Variants in POT1 observed in about 807,000 individuals in gnomAD.
The protein encoded by POT1 is protection of telomeres protein 1.
POT1 carries 47 observed loss-of-function variants against 78.5 expected under a neutral mutation model. The ratio of observed to expected loss-of-function variants is 0.60; its 90% CI spans 0.47 to 0.76. The LOEUF (loss-of-function observed/expected upper bound fraction) is 0.76. Ranked by LOEUF, POT1 falls within the 30% of genes least tolerant of loss-of-function variation. POT1 has a pLI of 0.00. For synonymous variants in POT1, 259 were observed against 260.7 expected (o/e 0.99, Z 0.06); for missense variants, 646 against 749.9 (o/e 0.86, Z 1.62).
chr7:124,866,996 C>G (rs1474249899), intron 7 of POT1, among the ~76,000 whole-genome samples: 2 of 152,110 alleles, frequency 1.3e-5, no homozygotes, highest in Non-Finnish European at 2.9e-5. Context: ...GTTCTGTGGT[C>G]ATCATTTTTA....
intron 7 of POT1, among the ~76,000 whole-genome samples, chr7:124,867,191 C>G (rs755541042): frequency 3.9e-5 from 6 of 152,148 alleles, no homozygotes; most frequent in African/African-American, 7.2e-5. Flanking sequence ...TTTCCACCAC[C>G]ACTGTAGTCT....
chr7:124,863,676 A>G lies in POT1; in HGVS notation c.256-36T>C, dbSNP rs752969964. 8 of 1,484,436 alleles carry G rather than the reference A, an allele frequency of 5.4e-6. No homozygotes were observed. The highest frequency in any genetic ancestry group is 1.4e-5 in the African/African-American group (1 of 71,186). 92.0% of individuals were successfully genotyped at this position (1,484,436 alleles called of 1,614,324 possible). The stretch of plus-strand genomic sequence containing the variant: ...AGGGCAAAGTAGAAAACAGATACAA[A>G]TAAAATAGCTTACTGATGCACAACC... On this transcript the variant is annotated intron_variant, in intron 7 of 18. Transcript: ENST00000357628.
At chr7:124,863,682 T>C (rs1477617673) in intron 7 of POT1, 42 bp from the exon 8 acceptor site, 4 of 1,454,156 alleles carry the variant, frequency 2.8e-6, no homozygotes, top group East Asian at 2.3e-5. Flanking sequence ...ACAAATAAAA[T>C]AGCTTACTGA....
chr7:124,833,792 A>G (rs568544248), intron 15 of POT1, among the ~76,000 whole-genome samples: 167 of 152,354 alleles, frequency 1.1e-3, no homozygotes, highest in African/African-American at 3.8e-3. Flanking sequence ...CTCTCACTAT[A>G]TATGCTTATC....
intron 14 of POT1, among the ~76,000 whole-genome samples, chr7:124,840,177 A>T (rs1794992525): frequency 6.6e-6 from 1 of 152,034 alleles, no homozygotes; most frequent in South Asian, 2.1e-4. Flanking sequence ...CAAAGTCTAT[A>T]ATTTACATAG....
intron 6 of POT1, among the ~76,000 whole-genome samples, chr7:124,880,950 T>G (rs1476857959): frequency 6.6e-6 from 1 of 152,018 alleles, no homozygotes; most frequent in Non-Finnish European, 1.5e-5. Context: ...ATCTACTTGC[T>G]ACAATGCAAG....
chr7:124,842,667 AC>A (rs891301490), intron 13 of POT1, 139 bp downstream of exon 13: 1 of 554,866 alleles, frequency 1.8e-6, no homozygotes, highest in African/African-American at 2.0e-5. Context: ...TTAGCACTTT[AC>A]CTAAAAAATT....
At chr7:124,858,876 C>A in intron 9 of POT1, 81 bp downstream of exon 9, 2 of 999,880 alleles carry the variant, frequency 2.0e-6, no homozygotes, top group Non-Finnish European at 2.9e-6. Flanking sequence ...TACATGTAAC[C>A]ATATATAAAA....
intron 13 of POT1, among the ~76,000 whole-genome samples, chr7:124,841,506 AT>A (rs1302431308): frequency 2.0e-5 from 3 of 151,902 alleles, no homozygotes; most frequent in Admixed American, 1.3e-4. Context: ...AGAATGCTAA[AT>A]TTCCCAGTAG....
intron 3 of POT1, among the ~76,000 whole-genome samples, chr7:124,906,627 T>G (rs1355206194): frequency 6.6e-6 from 1 of 152,076 alleles, no homozygotes; most frequent in Non-Finnish European, 1.5e-5. Context: ...ACCCTAGAAC[T>G]TAAAAGTATA....
chr7:124,865,612 G>A (rs2116549020), intron 7 of POT1, among the ~76,000 whole-genome samples: 1 of 151,644 alleles, frequency 6.6e-6, no homozygotes, highest in Non-Finnish European at 1.5e-5. Context: ...CCACTTCTCT[G>A]ATGAAATTTC....
intron 6 of POT1, among the ~76,000 whole-genome samples, chr7:124,883,860 C>T (rs939726209): frequency 1.3e-5 from 2 of 151,084 alleles, no homozygotes; most frequent in Non-Finnish European, 3.0e-5. Context: ...TATAATTTTA[C>T]ATCATACTAG....
At chr7:124,910,130 C>A (rs1389423983) in intron 3 of POT1, among the ~76,000 whole-genome samples, 1 of 151,884 alleles carries the variant, frequency 6.6e-6, no homozygotes, top group African/African-American at 2.4e-5. Context: ...AAAAGCATAG[C>A]AGTGTTTTTT....
intron 6 of POT1, among the ~76,000 whole-genome samples, chr7:124,877,563 G>C (rs147787851): frequency 7.9e-5 from 12 of 151,754 alleles, no homozygotes; most frequent in Non-Finnish European, 1.6e-4. Flanking sequence ...TCAACCGGTC[G>C]TGGGGGCTCA....
intron 7 of POT1, among the ~76,000 whole-genome samples, chr7:124,864,275 T>C (rs1327590367): frequency 1.3e-5 from 2 of 152,166 alleles, no homozygotes; most frequent in Non-Finnish European, 2.9e-5. Context: ...TTTGCACATT[T>C]TTTTTCCTAC....
intron 12 of POT1, among the ~76,000 whole-genome samples, chr7:124,844,472 C>T (rs1015510606): frequency 2.0e-5 from 3 of 148,308 alleles, no homozygotes; most frequent in Non-Finnish European, 4.5e-5. Flanking sequence ...CGCGGTGGCT[C>T]ACGCCTGTAA....
At chr7:124,917,393 A>T (rs535902828) in intron 2 of POT1, among the ~76,000 whole-genome samples, 1 of 152,294 alleles carries the variant, frequency 6.6e-6, no homozygotes, top group African/African-American at 2.4e-5. Context: ...AACTCTGAGG[A>T]ATATGAAGCC....
Position 124,883,274 on chromosome 7 carries a change from T to G in POT1, c.124+8992A>C, listed in dbSNP as rs1188828995. Among the ~76,000 whole-genome samples the G allele has an allele frequency of 2.0e-5, 3 of 152,128 alleles. No homozygotes were observed. In the East Asian group the frequency reaches 5.8e-4, roughly 29 times the overall value. On this transcript the variant is annotated intron_variant, in intron 6 of 18. Transcript: ENST00000357628. Reference sequence around the variant, plus strand: ...CATGGTATCTTTCACAAATGAAGGTTCTATCTTACATAGCCAAAAAACAGA... The same window carrying G: ...CATGGTATCTTTCACAAATGAAGGTGCTATCTTACATAGCCAAAAAACAGA...
chr7:124,915,014 A>G (rs1796984297), intron 3 of POT1, among the ~76,000 whole-genome samples: 2 of 152,150 alleles, frequency 1.3e-5, no homozygotes, highest in Non-Finnish European at 2.9e-5. Context: ...TCTACCTCAT[A>G]TTACTTTATG....
Sources: gnomAD v4.1 joint callset for allele counts (sites outside exome capture counted in the v4.1 genomes callset) on GRCh38, gnomAD v4.1.1 for gene constraint, MANE v1.5 for transcripts, NCBI Gene and HGNC (gene_info 2026-07-23, HGNC 2026-07-21) for gene names.